The following DGKD variants were observed in gnomAD, a reference collection of about 807,000 sequenced individuals.
DGKD encodes diacylglycerol kinase delta.
A neutral mutation model predicts 154.4 loss-of-function variants in DGKD; 68 were observed. The ratio of observed to expected loss-of-function variants is 0.44; its 90% CI spans 0.36 to 0.54. The LOEUF (loss-of-function observed/expected upper bound fraction) is 0.54, where lower values mean the gene tolerates loss of function less well. Among genes scored for constraint, DGKD ranks in the 20% least tolerant of loss-of-function variants. DGKD has a pLI of 0.00. For synonymous variants in DGKD, 693 were observed against 638.0 expected (o/e 1.09, Z -1.30); for missense variants, 1,343 against 1,593.6 (o/e 0.84, Z 2.68).
chr2:233,449,391 G>C lies in DGKD; in HGVS notation c.1888+15G>C. On this transcript the variant is annotated intron_variant, in intron 15 of 29. Transcript: ENST00000264057. The surrounding 1 kb of genome is among the most constrained non-coding windows in gnomAD (Gnocchi z 5.3). The stretch of plus-strand genomic sequence containing the variant: ...CACAGAAAAAGGTAACTGGCCTTGT[G>C]ATGAGGAGGGGCTTTCCTCAGGCCA... 6.3e-7 allele frequency: 1 copy of C among 1,584,820 alleles called. No homozygotes were observed. Among genetic ancestry groups the C allele is most frequent in the Non-Finnish European group, 8.6e-7 (1 of 1,158,112 alleles).
chr2:233,428,262 T>C (rs1294079287), intron 3 of DGKD, among the ~76,000 whole-genome samples: 2 of 152,114 alleles, frequency 1.3e-5, no homozygotes, highest in Non-Finnish European at 2.9e-5. Flanking sequence ...AAATCTCCTG[T>C]GTGCAGCTGG....
intron 24 of DGKD, 107 bp downstream of exon 24, chr2:233,460,452 G>A: frequency 7.0e-7 from 1 of 1,423,622 alleles, no homozygotes; most frequent in Non-Finnish European, 9.5e-7. Flanking sequence ...GACTTTTGTG[G>A]GGTCTGCATT....
intron 1 of DGKD, among the ~76,000 whole-genome samples, chr2:233,357,925 T>C (rs1016824809): frequency 6.6e-6 from 1 of 152,230 alleles, no homozygotes; most frequent in South Asian, 2.1e-4. Context: ...ATGGCACACA[T>C]GTAAAGAGAA....
At chr2:233,425,526 A>G (rs1030939396) in intron 3 of DGKD, among the ~76,000 whole-genome samples, 9 of 152,164 alleles carry the variant, frequency 5.9e-5, no homozygotes, top group African/African-American at 1.9e-4. Context: ...TGGATTGGCA[A>G]CACATGCAAG....
intron 3 of DGKD, among the ~76,000 whole-genome samples, chr2:233,432,538 A>C (rs1482969055): frequency 1.3e-5 from 2 of 152,216 alleles, no homozygotes; most frequent in African/African-American, 4.8e-5. Context: ...GGGCGCCTGT[A>C]GTCCCAGCTA....
chr2:233,363,338 TAATTAAAAA>T, intron 1 of DGKD, among the ~76,000 whole-genome samples: 1 of 152,070 alleles, frequency 6.6e-6, no homozygotes, highest in Admixed American at 6.5e-5. Flanking sequence ...AGAAGTAAAA[TAATTAAAAA>T]AATTAAAAAT....
chr2:233,451,880 G>A (rs948803745), intron 17 of DGKD, 84 bp from the exon 18 acceptor site: 117 of 1,116,270 alleles, frequency 1.0e-4, no homozygotes, highest in Admixed American at 2.6e-4. Context: ...GCAGAATACC[G>A]GTCCACCAGC....
At chr2:233,395,829 T>A (rs933766248) in intron 3 of DGKD, among the ~76,000 whole-genome samples, 2 of 152,098 alleles carry the variant, frequency 1.3e-5, no homozygotes, top group African/African-American at 4.8e-5. Context: ...CCACCATGCC[T>A]GGCCAAGTTC....
chr2:233,438,276 TCAAAAAGTGGGGACAAC>T lies in DGKD; in HGVS notation c.985_1001del (p.Lys329GlyfsTer36). The T allele has an allele frequency of 6.2e-7, 1 of 1,614,170 alleles. No homozygotes were observed. The highest frequency in any genetic ancestry group is 8.5e-7 in the Non-Finnish European group (1 of 1,180,022). Reference sequence around the variant, plus strand: ...AAGCCCACTGTTGGTCTTCGTCAATTCAAAAAGTGGGGACAACCAGGGTGTGAAGTTCCTCAGAAGAT... The same window carrying T: ...AAGCCCACTGTTGGTCTTCGTCAATTCAGGGTGTGAAGTTCCTCAGAAGAT... On this transcript the variant is annotated frameshift_variant, in exon 9 of 30. Transcript: ENST00000264057. LOFTEE classifies it high-confidence loss of function. The surrounding 1 kb of genome is among the most constrained non-coding windows in gnomAD (Gnocchi z 4.1).
At chr2:233,373,051 C>T (rs775677442) in intron 1 of DGKD, among the ~76,000 whole-genome samples, 7 of 152,168 alleles carry the variant, frequency 4.6e-5, no homozygotes, top group Admixed American at 1.3e-4. Context: ...GGGCGGGTCC[C>T]GTGCTGTGCT....
chr2:233,376,836 C>T (rs1197170612), intron 1 of DGKD, among the ~76,000 whole-genome samples: 7 of 152,114 alleles, frequency 4.6e-5, no homozygotes, highest in Admixed American at 3.3e-4. Context: ...AGAGCTCAGC[C>T]TCCTGGGTGC....
At chr2:233,357,370 C>G (rs888051138) in intron 1 of DGKD, among the ~76,000 whole-genome samples, 1 of 152,060 alleles carries the variant, frequency 6.6e-6, no homozygotes, top group Non-Finnish European at 1.5e-5. Flanking sequence ...CAAGTCAGAG[C>G]TGTCTTAATG....
chr2:233,406,206 G>C, intron 3 of DGKD, among the ~76,000 whole-genome samples: 1 of 152,076 alleles, frequency 6.6e-6, no homozygotes, highest in East Asian at 1.9e-4. Context: ...CCTGTCCTTG[G>C]ATTTAGGGCC....
In DGKD at chr2:233,462,431, G is replaced by A. The variant is rs775202239; in HGVS notation, c.3065G>A (p.Arg1022His). ...AATGCCAGCTCCAAGTCCATGGACC[G>A]TGTGTATGGCAAGCCCAGAACCACA... Reference protein sequence around the residue: ...AVNASSKSMDRVYGKPRTTEG... With the variant: ...AVNASSKSMDHVYGKPRTTEG... The change falls in exon 25 of 30, where the codon CGT becomes CAT. Residue 1022 changes from arginine (R) to histidine (H), a missense_variant. Transcript: ENST00000264057. 1.1e-5 allele frequency: 18 copies of A among 1,601,402 alleles called. 1 individual carries two copies. The highest frequency in any genetic ancestry group is 2.2e-5 in the East Asian group (1 of 44,488).
At position 233,454,801 on chromosome 2, in the gene DGKD, T is replaced by C; in HGVS notation, c.2303T>C (p.Phe768Ser). The C allele has an allele frequency of 6.2e-7, 1 of 1,613,982 alleles. No homozygotes were observed. The highest frequency in any genetic ancestry group is 8.5e-7 in the Non-Finnish European group (1 of 1,179,860). ...YTEKCVMNNY[F>S]GIGLDAKISL... ...GAGAAATGTGTCATGAACAACTATT[T>C]TGGCATTGGCCTGGATGCGAAGATA... Residue 768 changes from phenylalanine (F) to serine (S), a missense_variant, in exon 19 of 30, where the codon TTT becomes TCT. This residue lies in a region of DGKD where 60 missense variants were observed against 112.4 expected (regional missense o/e 0.53). Transcript: ENST00000264057.
At chr2:233,434,651 C>T in intron 4 of DGKD, 118 bp from the exon 5 acceptor site, 1 of 1,514,746 alleles carries the variant, frequency 6.6e-7, no homozygotes, top group East Asian at 2.3e-5. Context: ...CAGACCTGTC[C>T]TTTATAAACC....
At chr2:233,396,481 A>G (rs1157316308) in intron 3 of DGKD, among the ~76,000 whole-genome samples, 1 of 151,812 alleles carries the variant, frequency 6.6e-6, no homozygotes, top group African/African-American at 2.4e-5. Context: ...GCCACTCTGC[A>G]TCAAGCTTAT....
chr2:233,376,429 A>G (rs1262260820), intron 1 of DGKD, among the ~76,000 whole-genome samples: 1 of 152,154 alleles, frequency 6.6e-6, no homozygotes, highest in Non-Finnish European at 1.5e-5. Context: ...ATGGGGCTAT[A>G]ACTATTGTAT....
intron 25 of DGKD, 67 bp from the exon 26 acceptor site, chr2:233,462,576 G>T: frequency 1.3e-6 from 2 of 1,560,172 alleles, no homozygotes; most frequent in Non-Finnish European, 1.8e-6. Flanking sequence ...CCCAGTGCTT[G>T]TTCCCTGCCC....
Sources: gnomAD v4.1 joint callset for allele counts (sites outside exome capture counted in the v4.1 genomes callset) on GRCh38, gnomAD v4.1.1 for gene constraint, gnomAD v4.1.1 regional missense constraint, Gnocchi (gnomAD v3.1) non-coding constraint, MANE v1.5 for transcripts, NCBI Gene and HGNC (gene_info 2026-07-23, HGNC 2026-07-21) for gene names.